The following NEGR1 variants were observed in gnomAD, a reference collection of about 807,000 sequenced individuals.
NEGR1 encodes the protein IgLON family member 4.
A neutral mutation model predicts 40.9 loss-of-function variants in NEGR1; 10 were observed. The ratio of observed to expected loss-of-function variants is 0.24; its 90% CI spans 0.15 to 0.42. NEGR1 has a LOEUF of 0.42. Ranked by LOEUF, NEGR1 falls within the 10% of genes least tolerant of loss-of-function variation. The pLI is 1.00. For missense variants in NEGR1, 352 were observed against 438.9 expected (o/e 0.80, Z 1.77); for synonymous variants, 185 against 166.8 (o/e 1.11, Z -0.84).
intron 5 of NEGR1, among the ~76,000 whole-genome samples, chr1:71,607,032 G>A (rs904653959): frequency 5.3e-5 from 8 of 152,186 alleles, no homozygotes; most frequent in African/African-American, 1.9e-4. Flanking sequence ...TTACATAGAA[G>A]TAAAGCGATC....
chr1:71,652,116 AC>A (rs1651736646), intron 4 of NEGR1, among the ~76,000 whole-genome samples: 1 of 152,184 alleles, frequency 6.6e-6, no homozygotes, highest in Non-Finnish European at 1.5e-5. Flanking sequence ...CATATTAAAA[AC>A]CAAGATATGC....
intron 1 of NEGR1, among the ~76,000 whole-genome samples, chr1:72,163,570 T>C (rs760638565): frequency 3.9e-5 from 6 of 152,082 alleles, no homozygotes; most frequent in Non-Finnish European, 7.4e-5. Flanking sequence ...AGGCTCAGTA[T>C]AGATTTAGTA....
chr1:71,760,683 C>T (rs1655910271), intron 3 of NEGR1, among the ~76,000 whole-genome samples: 1 of 152,094 alleles, frequency 6.6e-6, no homozygotes, highest in Non-Finnish European at 1.5e-5. Flanking sequence ...GCATAATTTG[C>T]CGGTTTTACT....
intron 6 of NEGR1, among the ~76,000 whole-genome samples, chr1:71,528,922 CT>C (rs2101441079): frequency 6.6e-6 from 1 of 151,304 alleles, no homozygotes; most frequent in Admixed American, 6.6e-5. Context: ...AATAGTGACA[CT>C]GTACAAGTCC....
intron 2 of NEGR1, among the ~76,000 whole-genome samples, chr1:71,780,610 C>A (rs960351758): frequency 6.6e-6 from 1 of 152,144 alleles, no homozygotes; most frequent in Non-Finnish European, 1.5e-5. Context: ...TATTTTAAAA[C>A]CTCCATATCC....
chr1:72,259,047 C>A (rs973387374), intron 1 of NEGR1, among the ~76,000 whole-genome samples: 4 of 152,112 alleles, frequency 2.6e-5, no homozygotes, highest in Non-Finnish European at 5.9e-5. Flanking sequence ...TTTACTCTTA[C>A]ACATTTTAAA....
At chr1:71,769,878 T>C (rs1656255240) in intron 3 of NEGR1, among the ~76,000 whole-genome samples, 1 of 152,220 alleles carries the variant, frequency 6.6e-6, no homozygotes, top group Admixed American at 6.5e-5. Flanking sequence ...TTGCATACTA[T>C]TCCATTTACT....
At chr1:71,808,395 G>C (rs1021932034) in intron 2 of NEGR1, among the ~76,000 whole-genome samples, 3 of 152,124 alleles carry the variant, frequency 2.0e-5, no homozygotes, top group Non-Finnish European at 4.4e-5. Flanking sequence ...ATATATTTGA[G>C]TGCTAAATGT....
chr1:72,194,657 T>C lies in NEGR1; in HGVS notation c.176+87662A>G, dbSNP rs193059048. ...ATGATGATACCATGAAAGCATCTAA[T>C]AAATGTGAAGATCTAGAAAGGATTT... On this transcript the variant is annotated intron_variant, in intron 1 of 6. Transcript: ENST00000357731. Among the ~76,000 whole-genome samples, 139 of 152,194 alleles carry C rather than the reference T, an allele frequency of 9.1e-4. 1 individual carries two copies. The highest frequency in any genetic ancestry group is 6.6e-5 in the Admixed American group (1 of 15,242).
chr1:71,812,830 C>A (rs553252473), intron 2 of NEGR1, among the ~76,000 whole-genome samples: 135 of 152,150 alleles, frequency 8.9e-4, no homozygotes, highest in African/African-American at 3.0e-3. Flanking sequence ...GAAGAGATTG[C>A]AAAAATTTTC....
chr1:71,422,261 T>A (rs1036346481), intron 6 of NEGR1, among the ~76,000 whole-genome samples: 1 of 152,182 alleles, frequency 6.6e-6, no homozygotes, highest in African/African-American at 2.4e-5. Context: ...CAAATCCCAA[T>A]TCCCCCATCT....
At chr1:71,819,006 G>C (rs1474943861) in intron 2 of NEGR1, among the ~76,000 whole-genome samples, 3 of 151,980 alleles carry the variant, frequency 2.0e-5, no homozygotes, top group Non-Finnish European at 4.4e-5. Flanking sequence ...TTGAAAGCTA[G>C]ATGTAGAAGC....
chr1:71,887,545 A>T (rs540291139), intron 2 of NEGR1, among the ~76,000 whole-genome samples: 1 of 152,198 alleles, frequency 6.6e-6, no homozygotes, highest in African/African-American at 2.4e-5. Context: ...GTACATATTC[A>T]TGGGATACAG....
Position 71,671,770 on chromosome 1 carries a change from G to T in NEGR1, c.667+26238C>A, listed in dbSNP as rs1264942253. 1.3e-5 allele frequency among the ~76,000 whole-genome samples: 2 copies of T among 152,028 alleles called. 1 individual carries two copies. Among genetic ancestry groups the T allele is most frequent in the East Asian group, 3.9e-4 (2 of 5,180 alleles). ...TGCAACTGTACTTTGGCAATCATGG[G>T]TCCCCGTTAGTACCCAATTAATCAT... On this transcript the variant is annotated intron_variant, in intron 4 of 6. Transcript: ENST00000357731.
intron 2 of NEGR1, among the ~76,000 whole-genome samples, chr1:71,842,541 T>C (rs1162051522): frequency 6.6e-6 from 1 of 152,164 alleles, no homozygotes; most frequent in Non-Finnish European, 1.5e-5. Flanking sequence ...AAATAAACAG[T>C]ATAGATGGAG....
chr1:71,688,325 T>TATAG (rs74193312), intron 4 of NEGR1, among the ~76,000 whole-genome samples: 19 of 103,196 alleles, frequency 1.8e-4, no homozygotes, highest in East Asian at 8.3e-4. Flanking sequence ...TATATATATA[T>TATAG]ATAGATAGAT....
chr1:72,009,843 T>A (rs1226387936), intron 1 of NEGR1, among the ~76,000 whole-genome samples: 2 of 152,118 alleles, frequency 1.3e-5, no homozygotes, highest in Non-Finnish European at 2.9e-5. Flanking sequence ...TGAAATCCAA[T>A]GTAGATATTT....
chr1:71,407,346 C>T lies in NEGR1; in HGVS notation c.*100G>A. On this transcript the variant is annotated 3_prime_UTR_variant, in exon 7 of 7. Coordinates refer to ENST00000357731, the MANE Select transcript of NEGR1 (RefSeq NM_173808.3). ...GGCGATCATCCCCATGTAAGCACTGCTGATTATATCCCACGCTGCTTTTAA... is the reference window on the plus strand; with the variant it reads ...GGCGATCATCCCCATGTAAGCACTGTTGATTATATCCCACGCTGCTTTTAA... 2.8e-6 allele frequency: 3 copies of T among 1,074,380 alleles called. No individual in the cohort carries two copies. Among genetic ancestry groups the T allele is most frequent in the South Asian group, 3.0e-5 (2 of 65,794 alleles). The allele number at this position is 1,074,380 out of a possible 1,614,324, so 66.6% of individuals were successfully genotyped here.
intron 6 of NEGR1, among the ~76,000 whole-genome samples, chr1:71,430,103 G>A (rs1646456215): frequency 6.6e-6 from 1 of 152,152 alleles, no homozygotes; most frequent in Non-Finnish European, 1.5e-5. Context: ...CTCATGGCCT[G>A]GTACTGCAGT....
Sources: allele counts gnomAD v4.1 joint callset (sites outside exome capture counted in the v4.1 genomes callset), GRCh38; gene constraint gnomAD v4.1.1; transcripts MANE v1.5; gene names NCBI Gene and HGNC (gene_info 2026-07-23, HGNC 2026-07-21).